PDE1A: variants seen among roughly 807,000 people sequenced by gnomAD.
PDE1A encodes dual specificity calcium/calmodulin-dependent 3',5'-cyclic nucleotide phosphodiesterase 1A.
A neutral mutation model predicts 61.7 loss-of-function variants in PDE1A; 35 were observed. The ratio of observed to expected loss-of-function variants is 0.57; its 90% confidence interval spans 0.43 to 0.75. The LOEUF is 0.75. Ranked by LOEUF, PDE1A falls within the 30% of genes least tolerant of loss-of-function variation. The pLI, the probability that PDE1A is intolerant of heterozygous loss-of-function variation, is 0.00. For missense variants in PDE1A, 597 were observed against 630.6 expected, an observed-to-expected ratio of 0.95 and a Z score of 0.57; for synonymous variants, 232 against 213.2, an observed-to-expected ratio of 1.09 and a Z score of -0.77.
chr2:182,670,953 T>C, the PDE1A span, among the ~76,000 whole-genome samples: 1 of 149,362 alleles, frequency 6.7e-6, no homozygotes. Flanking sequence ...GAGTAACTGG[T>C]TTTACAGGCG....
intron 1 of PDE1A, among the ~76,000 whole-genome samples, chr2:182,359,167 T>C (rs1256723326): frequency 1.3e-5 from 2 of 152,158 alleles, no homozygotes; most frequent in Non-Finnish European, 2.9e-5. Flanking sequence ...GCAAACTCTT[T>C]AAAAGTTTAA....
At chr2:182,347,172 A>C (rs1380745348) in intron 1 of PDE1A, among the ~76,000 whole-genome samples, 1 of 152,106 alleles carries the variant, frequency 6.6e-6, no homozygotes, top group Non-Finnish European at 1.5e-5. Context: ...ATTTAGTCAG[A>C]AAATGTTGAT....
At chr2:182,555,206 C>CA in the PDE1A span, among the ~76,000 whole-genome samples, 1 of 152,054 alleles carries the variant, frequency 6.6e-6, no homozygotes, top group Non-Finnish European at 1.5e-5. Flanking sequence ...GAATCTTAAC[C>CA]AAAAAAGGAT....
the PDE1A span, among the ~76,000 whole-genome samples, chr2:182,621,775 T>C: frequency 6.6e-6 from 1 of 152,260 alleles, no homozygotes; most frequent in East Asian, 1.9e-4. Context: ...TCCTATATAA[T>C]TAAGTGAATG....
At chr2:182,380,226 T>C (rs1445499681) in intron 1 of PDE1A, among the ~76,000 whole-genome samples, 1 of 149,634 alleles carries the variant, frequency 6.7e-6, no homozygotes, top group Non-Finnish European at 1.5e-5. Flanking sequence ...TTCTCCTGCC[T>C]CAGCCTCCCG....
the PDE1A span, among the ~76,000 whole-genome samples, chr2:182,693,545 T>C: frequency 1.3e-5 from 2 of 152,150 alleles, no homozygotes; most frequent in African/African-American, 4.8e-5. Flanking sequence ...GGTTTTTAAA[T>C]ATATTCTGGA....
At chr2:182,361,897 C>A (rs1699533918) in intron 1 of PDE1A, among the ~76,000 whole-genome samples, 1 of 152,018 alleles carries the variant, frequency 6.6e-6, no homozygotes. Flanking sequence ...CCCCAACTGC[C>A]AAGTTCTTTG....
the PDE1A span, among the ~76,000 whole-genome samples, chr2:182,689,787 C>G: frequency 6.6e-6 from 1 of 151,854 alleles, no homozygotes; most frequent in Non-Finnish European, 1.5e-5. Flanking sequence ...GCTAGCAAGA[C>G]TAATAAAGAA....
At chr2:182,499,073 C>T (rs1487280644) in intron 2 of PDE1A, among the ~76,000 whole-genome samples, 5 of 151,578 alleles carry the variant, frequency 3.3e-5, no homozygotes, top group African/African-American at 1.2e-4. Flanking sequence ...CTGCAACCTC[C>T]GCCTCCTGTG....
intron 2 of PDE1A, among the ~76,000 whole-genome samples, chr2:182,466,259 C>T (rs1257575790): frequency 6.6e-6 from 1 of 152,002 alleles, no homozygotes; most frequent in Non-Finnish European, 1.5e-5. Flanking sequence ...TTTCCCAGAC[C>T]ACATTTTCTT....
chr2:182,230,942 A>G (rs907794360), intron 5 of PDE1A, 73 bp downstream of exon 5: 2 of 761,072 alleles, frequency 2.6e-6, no homozygotes, highest in Non-Finnish European at 4.5e-6. Flanking sequence ...TAATTACTCA[A>G]ATGTTCTGCA....
At chr2:182,625,027 T>C in the PDE1A span, among the ~76,000 whole-genome samples, 5 of 152,034 alleles carry the variant, frequency 3.3e-5, no homozygotes, top group Non-Finnish European at 7.4e-5. Flanking sequence ...GGTGATTAGA[T>C]AGATTTAGAT....
At chr2:182,415,370 T>C (rs1049580991) in intron 1 of PDE1A, among the ~76,000 whole-genome samples, 2 of 152,106 alleles carry the variant, frequency 1.3e-5, no homozygotes, top group African/African-American at 4.8e-5. Context: ...AATGAATTTT[T>C]AGCATTTTGG....
At chr2:182,387,062 G>T (rs2125360059) in intron 1 of PDE1A, among the ~76,000 whole-genome samples, 1 of 152,306 alleles carries the variant, frequency 6.6e-6, no homozygotes, top group African/African-American at 2.4e-5. Flanking sequence ...ACTTCATTTT[G>T]TTCTGTACTA....
the PDE1A span, among the ~76,000 whole-genome samples, chr2:182,611,025 T>C: frequency 3.9e-5 from 6 of 152,184 alleles, no homozygotes; most frequent in Non-Finnish European, 5.9e-5. Context: ...GTCTGAAAAT[T>C]TAAAGTTCTT....
intron 1 of PDE1A, among the ~76,000 whole-genome samples, chr2:182,289,484 A>G (rs1694382332): frequency 6.6e-6 from 1 of 152,076 alleles, no homozygotes; most frequent in South Asian, 2.1e-4. Context: ...ACATGGATAT[A>G]AATATTTTAA....
intron 2 of PDE1A, among the ~76,000 whole-genome samples, chr2:182,482,621 A>G (rs1317437481): frequency 6.6e-6 from 1 of 152,004 alleles, no homozygotes; most frequent in Non-Finnish European, 1.5e-5. Flanking sequence ...TGTATTCACC[A>G]GAAACTATGG....
chr2:182,565,898 C>A, the PDE1A span, among the ~76,000 whole-genome samples: 1 of 152,128 alleles, frequency 6.6e-6, no homozygotes, highest in Non-Finnish European at 1.5e-5. Context: ...CAGACTGACC[C>A]ATCACCATCA....
chr2:182,241,388 C>A (rs1418865231), intron 2 of PDE1A, among the ~76,000 whole-genome samples: 2 of 152,144 alleles, frequency 1.3e-5, no homozygotes, highest in African/African-American at 2.4e-5. Context: ...TTGCCCAGAC[C>A]TAGGCCTAAC....
Sources: allele counts gnomAD v4.1 joint callset (sites outside exome capture counted in the v4.1 genomes callset), GRCh38; gene constraint gnomAD v4.1.1; transcripts MANE v1.5; gene names NCBI Gene and HGNC (gene_info 2026-07-23, HGNC 2026-07-21).